The following INPP4A variants were observed in gnomAD, a reference collection of about 807,000 sequenced individuals.
The protein encoded by INPP4A is inositol polyphosphate-4-phosphatase type I A.
A neutral mutation model predicts 119.8 loss-of-function variants in INPP4A; 33 were observed. The ratio of observed to expected loss-of-function variants is 0.28; its 90% CI spans 0.21 to 0.37. The LOEUF is 0.37. Ranked by LOEUF, INPP4A falls within the 10% of genes least tolerant of loss-of-function variation. INPP4A has a pLI of 1.00. For synonymous variants in INPP4A, 496 were observed against 500.7 expected (o/e 0.99, Z 0.12); for missense variants, 956 against 1,289.9 (o/e 0.74, Z 3.97).
At chr2:98,533,964 A>G (rs550704059) in intron 5 of INPP4A, among the ~76,000 whole-genome samples, 3 of 152,326 alleles carry the variant, frequency 2.0e-5, no homozygotes, top group Admixed American at 6.5e-5. Flanking sequence ...TTACATGATA[A>G]ACATTTGTGG....
At position 98,520,673 on chromosome 2, in the gene INPP4A, T is replaced by C; in HGVS notation, c.107-14T>C. On this transcript the variant is annotated splice_polypyrimidine_tract_variant and intron_variant, in intron 3 of 24. Transcript: ENST00000409851. The stretch of plus-strand genomic sequence containing the variant: ...TATTAAGGATGATTTTTCTGTCATT[T>C]CTTTTCTATTCAGGAAATATACAAG... 6.8e-7 allele frequency: 1 copy of C among 1,466,338 alleles called. No homozygotes were observed. Among genetic ancestry groups the C allele is most frequent in the Non-Finnish European group, 9.3e-7 (1 of 1,078,978 alleles). 90.8% of individuals were successfully genotyped at this position (1,466,338 alleles called of 1,614,324 possible). A position where few individuals can be genotyped will look rare whatever the true frequency, so the allele number is the denominator to read the frequency against.
chr2:98,539,579 A>G lies in INPP4A; in HGVS notation c.722A>G (p.Asn241Ser). Residue 241 changes from asparagine (N) to serine (S), a missense_variant, in exon 10 of 25, where the codon AAC (asparagine) becomes AGC (serine). Coordinates refer to ENST00000409851, the MANE Select transcript of INPP4A (RefSeq NM_001134225.2). ...TACCGGTTTCCAACCACTGATGGTA[A>G]CCATTTGCGGATCCTGGAGCAGATG... ...RMYRFPTTDG[N>S]HLRILEQMAE... is the part of the protein sequence containing the mutation. The G allele has an allele frequency of 6.2e-7, 1 of 1,612,164 alleles. No individual in the cohort carries two copies. Among genetic ancestry groups the G allele is most frequent in the Non-Finnish European group, 8.5e-7 (1 of 1,179,046 alleles).
At chr2:98,494,956 A>G (rs1240263994) in intron 1 of INPP4A, among the ~76,000 whole-genome samples, 1 of 152,218 alleles carries the variant, frequency 6.6e-6, no homozygotes, top group Non-Finnish European at 1.5e-5. Context: ...AATGATTGTC[A>G]TCCCAGAGAG....
intron 23 of INPP4A, 104 bp downstream of exon 23, chr2:98,573,031 C>CTGCTG: frequency 1.2e-6 from 1 of 852,062 alleles, no homozygotes; most frequent in Non-Finnish European, 1.9e-6. Context: ...CAGAGCTCTC[C>CTGCTG]ATACTGGGAG....
rs753972052 is a variant in INPP4A, at chr2:98,543,952, C to T, written c.894C>T (p.Tyr298=). The part of the protein sequence containing the change: ...ESLRRQIVTQ[Y]QTIILTYQEN... ...TCCGGCGCCAAATTGTCACCCAGTA[C>T]CAGACCATCATCCTCACATACCAGG... The change falls in exon 11 of 25, where the codon TAC becomes TAT. Residue 298 remains tyrosine (Y), a synonymous_variant. Coordinates refer to ENST00000409851, the MANE Select transcript of INPP4A (RefSeq NM_001134225.2). 1.9e-6 allele frequency: 3 copies of T among 1,598,186 alleles called. No homozygotes were observed. In the South Asian group the frequency reaches 3.4e-5, roughly 18 times the overall value.
At position 98,566,195 on chromosome 2, in the gene INPP4A, G is replaced by A. The variant is rs753146259; in HGVS notation, c.2420+26G>A. ...GTGCGTGCCGGCTCCTCGGGGCTGCGGGGGTGTGGTGGCCCTGGAGATGAT... is the reference window on the plus strand; with the variant it reads ...GTGCGTGCCGGCTCCTCGGGGCTGCAGGGGTGTGGTGGCCCTGGAGATGAT... On this transcript the variant is annotated intron_variant, in intron 21 of 24. Transcript: ENST00000409851. This position sits in a 1 kb window ranked among gnomAD's most constrained non-coding sequence, Gnocchi z 4.2. 18 of 1,556,080 alleles carry A rather than the reference G, an allele frequency of 1.2e-5. No homozygotes were observed. The East Asian group carries it at 1.9e-4, about 16-fold the overall frequency.
At chr2:98,544,233 A>C (rs531862148) in intron 11 of INPP4A, among the ~76,000 whole-genome samples, 3 of 152,248 alleles carry the variant, frequency 2.0e-5, no homozygotes, top group Non-Finnish European at 4.4e-5. Context: ...TTAAAAAGAC[A>C]AATCTGTGAA....
intron 24 of INPP4A, among the ~76,000 whole-genome samples, chr2:98,579,496 T>C (rs1559115992): frequency 6.6e-6 from 1 of 152,258 alleles, no homozygotes; most frequent in Non-Finnish European, 1.5e-5. Flanking sequence ...GTATACACCT[T>C]TGTAAGGCTT....
intron 4 of INPP4A, among the ~76,000 whole-genome samples, chr2:98,532,842 C>T (rs1689494149): frequency 6.6e-6 from 1 of 152,022 alleles, no homozygotes; most frequent in Non-Finnish European, 1.5e-5. Flanking sequence ...TGTAAATGAA[C>T]AATGGCTCAC....
intron 1 of INPP4A, among the ~76,000 whole-genome samples, chr2:98,504,886 C>T (rs1683761552): frequency 6.6e-6 from 1 of 152,218 alleles, no homozygotes; most frequent in African/African-American, 2.4e-5. Flanking sequence ...TTCAGTGCCT[C>T]TTCAGGCCCA....
chr2:98,572,702 G>T (rs1293102757), intron 22 of INPP4A, 113 bp from the exon 23 acceptor site: 1 of 648,262 alleles, frequency 1.5e-6, no homozygotes, highest in Non-Finnish European at 2.6e-6. Context: ...TCTTCAACCG[G>T]GAACTCATTG....
At chr2:98,553,308 C>T (rs1693877482) in intron 14 of INPP4A, among the ~76,000 whole-genome samples, 1 of 151,012 alleles carries the variant, frequency 6.6e-6, no homozygotes, top group Admixed American at 6.6e-5. Context: ...TTTTTTTTGG[C>T]CACATTTCTA....
chr2:98,471,071 A>G lies in INPP4A; in HGVS notation c.-166+25986A>G, dbSNP rs138353926. On this transcript the variant is annotated intron_variant, in intron 1 of 24. Transcript: ENST00000409851. ...GTTGACCTGTAGTTTCAGAAACCAG[A>G]ATGGTTTGGCCCAAGCTTTTGATTT... Among the ~76,000 whole-genome samples the G allele has an allele frequency of 6.6e-4, 100 of 152,310 alleles. 2 individuals carry two copies. The East Asian group carries it at 0.01, about 16-fold the overall frequency.
intron 1 of INPP4A, among the ~76,000 whole-genome samples, chr2:98,494,485 C>T (rs993590920): frequency 3.9e-5 from 6 of 152,042 alleles, no homozygotes; most frequent in Non-Finnish European, 8.8e-5. Flanking sequence ...ACAGTCTGTG[C>T]GCCCAGCTCT....
chr2:98,563,723 C>T lies in INPP4A; in HGVS notation c.2028+86C>T, dbSNP rs1695912082. 5 of 1,393,848 alleles carry T rather than the reference C, an allele frequency of 3.6e-6. No homozygotes were observed. The East Asian group carries it at 1.2e-4, about 33-fold the overall frequency. The allele number at this position is 1,393,848 out of a possible 1,614,324, so 86.3% of individuals were successfully genotyped here. On this transcript the variant is annotated intron_variant, in intron 18 of 24. Transcript: ENST00000409851. ...CTTAGGAAGCCCTTCCCTCTCACTT[C>T]ACTTGTAAAAGACCCCAGATGGCCA...
chr2:98,458,245 G>A (rs572108037), intron 1 of INPP4A, among the ~76,000 whole-genome samples: 1 of 152,246 alleles, frequency 6.6e-6, no homozygotes, highest in Admixed American at 6.5e-5. Context: ...TCAGGAGGCT[G>A]AGGCAGGAGG....
At chr2:98,461,634 A>T (rs1054104563) in intron 1 of INPP4A, among the ~76,000 whole-genome samples, 1 of 152,252 alleles carries the variant, frequency 6.6e-6, no homozygotes. Context: ...TCCTCTAGCC[A>T]TCCATGTCCC....
intron 15 of INPP4A, among the ~76,000 whole-genome samples, chr2:98,555,221 T>C (rs947296806): frequency 1.3e-5 from 2 of 152,114 alleles, no homozygotes; most frequent in African/African-American, 2.4e-5. Flanking sequence ...TGTGTGATGA[T>C]TGTAGGAAGT....
chr2:98,546,796 T>G lies in INPP4A; in HGVS notation c.1163+102T>G, dbSNP rs1305822789. ...ATATGACCGCAAAAACACCCAGCCATCTGATCTGCTTTTGCGTGGCAGGAG... is the reference window on the plus strand; with the variant it reads ...ATATGACCGCAAAAACACCCAGCCAGCTGATCTGCTTTTGCGTGGCAGGAG... On this transcript the variant is annotated intron_variant, in intron 13 of 24. Coordinates refer to ENST00000409851, the MANE Select transcript of INPP4A (RefSeq NM_001134225.2). This position sits in a 1 kb window ranked among gnomAD's most constrained non-coding sequence, Gnocchi z 4.2. 1.3e-6 allele frequency: 1 copy of G among 760,246 alleles called. No individual in the cohort carries two copies. The highest frequency in any genetic ancestry group is 2.3e-6 in the Non-Finnish European group (1 of 438,268). 47.1% of individuals were successfully genotyped at this position (760,246 alleles called of 1,614,324 possible). A position where few individuals can be genotyped will look rare whatever the true frequency, so the allele number is the denominator to read the frequency against.
Sources: gnomAD v4.1 joint callset for allele counts (sites outside exome capture counted in the v4.1 genomes callset) on GRCh38, gnomAD v4.1.1 for gene constraint, Gnocchi (gnomAD v3.1) non-coding constraint, MANE v1.5 for transcripts, NCBI Gene and HGNC (gene_info 2026-07-23, HGNC 2026-07-21) for gene names.